Variants in KIF13A observed in about 807,000 individuals in gnomAD.
The protein encoded by KIF13A is kinesin-like protein KIF13A.
Under a neutral mutation model 212.2 loss-of-function variants are expected in KIF13A, and 79 were observed. The ratio of observed to expected loss-of-function variants is 0.37; its 90% CI spans 0.31 to 0.45. KIF13A has a LOEUF of 0.45. Among genes scored for constraint, KIF13A ranks in the 20% least tolerant of loss-of-function variants. KIF13A has a pLI of 1.00. For synonymous variants in KIF13A, 789 were observed against 808.6 expected (o/e 0.98, Z 0.41); for missense variants, 1,901 against 2,209.0 (o/e 0.86, Z 2.79).
chr6:17,945,088 C>A (rs907968670), intron 2 of KIF13A, among the ~76,000 whole-genome samples: 8 of 152,090 alleles, frequency 5.3e-5, no homozygotes, highest in African/African-American at 1.9e-4. Flanking sequence ...GTCTGGGCAA[C>A]ACGGCAAGAT....
Position 17,850,508 on chromosome 6 carries a change from G to A in KIF13A, c.583-51C>T, listed in dbSNP as rs764432064. 184 of 1,544,198 alleles carry A rather than the reference G, an allele frequency of 1.2e-4. No homozygotes were observed. The highest frequency in any genetic ancestry group is 1.6e-4 in the Non-Finnish European group (180 of 1,138,756). On this transcript the variant is annotated intron_variant, in intron 7 of 38. Coordinates refer to ENST00000259711, the MANE Select transcript of KIF13A (RefSeq NM_022113.6). The surrounding 1 kb of genome is among the most constrained non-coding windows in gnomAD (Gnocchi z 6.2). ...CCATAAGCAAAAACACAAGAATGTAGTCCTGCACACCAGGTATATGTATTA... is the reference window on the plus strand; with the variant it reads ...CCATAAGCAAAAACACAAGAATGTAATCCTGCACACCAGGTATATGTATTA...
rs1424057883 is a variant in KIF13A, at chr6:17,789,769, C to T, written c.3261+103G>A. The T allele has an allele frequency of 1.7e-5, 14 of 831,858 alleles. No homozygotes were observed. Among genetic ancestry groups the T allele is most frequent in the African/African-American group, 6.9e-5 (4 of 58,210 alleles). The allele number at this position is 831,858 out of a possible 1,614,324, so 51.5% of individuals were successfully genotyped here. ...AAGCAAGTGAAAAACTGCATATTCT[C>T]GCTCTAGGGCCCTCCTTCCTCCTCC... is the stretch of plus-strand genomic sequence containing the variant. On this transcript the variant is annotated intron_variant, in intron 26 of 38. Transcript: ENST00000259711. The surrounding 1 kb of genome is among the most constrained non-coding windows in gnomAD (Gnocchi z 4.8).
intron 2 of KIF13A, among the ~76,000 whole-genome samples, chr6:17,905,958 T>C (rs1003190978): frequency 5.9e-5 from 9 of 152,316 alleles, no homozygotes; most frequent in African/African-American, 1.9e-4. Context: ...CTATCAATAA[T>C]CTAACATTAC....
At position 17,867,999 on chromosome 6, in the gene KIF13A, T is replaced by C. The variant is rs147008599; in HGVS notation, c.220+5378A>G. Reference sequence around the variant, plus strand: ...GAGGTGCTCTTCTGTCCCCTCACAGTATAAAGCAATGCTAGCAGAATAAGA... The same window carrying C: ...GAGGTGCTCTTCTGTCCCCTCACAGCATAAAGCAATGCTAGCAGAATAAGA... On this transcript the variant is annotated intron_variant, in intron 4 of 38. Coordinates refer to ENST00000259711, the MANE Select transcript of KIF13A (RefSeq NM_022113.6). Among the ~76,000 whole-genome samples, 238 of 152,364 alleles carry C rather than the reference T, an allele frequency of 1.6e-3. 1 individual carries two copies. Among genetic ancestry groups the C allele is most frequent in the Admixed American group, 0.013 (206 of 15,308 alleles).
chr6:17,975,012 G>C (rs1780185436), intron 2 of KIF13A, among the ~76,000 whole-genome samples: 1 of 152,100 alleles, frequency 6.6e-6, no homozygotes, highest in Non-Finnish European at 1.5e-5. Context: ...TTGGTCCCAA[G>C]CTACCAGCAT....
chr6:17,825,723 G>C lies in KIF13A; in HGVS notation c.1786+45C>G, dbSNP rs1354008484. On this transcript the variant is annotated intron_variant, in intron 16 of 38. Transcript: ENST00000259711. The surrounding 1 kb of genome is among the most constrained non-coding windows in gnomAD (Gnocchi z 4.5). ...CTTATCCCTCACTGAATGGTGTGAG[G>C]TGAGGAAATGCCCAAGGCGCTGGAA... 1 of 1,567,296 alleles carries C rather than the reference G, an allele frequency of 6.4e-7. No individual in the cohort carries two copies. Among genetic ancestry groups the C allele is most frequent in the Non-Finnish European group, 8.7e-7 (1 of 1,148,426 alleles).
At chr6:17,845,507 A>G (rs138836067) in intron 9 of KIF13A, among the ~76,000 whole-genome samples, 72 of 152,346 alleles carry the variant, frequency 4.7e-4, no homozygotes, top group African/African-American at 1.6e-3. Context: ...TGAAATAGGA[A>G]TGAGACTGGG....
intron 38 of KIF13A, 80 bp from the exon 39 acceptor site, chr6:17,765,026 T>A (rs571866778): frequency 9.3e-7 from 1 of 1,080,604 alleles, no homozygotes; most frequent in East Asian, 2.6e-5. Context: ...TACTTGGCTG[T>A]TAAAGGCATT....
In KIF13A at chr6:17,772,293, T is replaced by C. The variant is rs114087172; in HGVS notation, c.4325-234A>G. ...GCATGGTGGTGTCTACTTGTTGTACTTGCTACTCAGGAGGCTGAGGCGAGA... is the reference window on the plus strand; with the variant it reads ...GCATGGTGGTGTCTACTTGTTGTACCTGCTACTCAGGAGGCTGAGGCGAGA... On this transcript the variant is annotated intron_variant, in intron 36 of 38. Coordinates refer to ENST00000259711, the MANE Select transcript of KIF13A (RefSeq NM_022113.6). The surrounding 1 kb of genome is among the most constrained non-coding windows in gnomAD (Gnocchi z 4.8). 0.016 allele frequency among the ~76,000 whole-genome samples: 2,480 copies of C among 152,074 alleles called. 31 individuals are homozygous for C. Among genetic ancestry groups the C allele is most frequent in the Middle Eastern group, 0.034 (10 of 294 alleles).
intron 3 of KIF13A, among the ~76,000 whole-genome samples, chr6:17,880,150 C>T (rs1387024035): frequency 3.3e-5 from 5 of 151,942 alleles, no homozygotes; most frequent in African/African-American, 7.3e-5. Flanking sequence ...GATGGGGGCT[C>T]GCTGTGTTGC....
chr6:17,800,210 G>T, intron 20 of KIF13A, 97 bp from the exon 21 acceptor site: 4 of 1,172,810 alleles, frequency 3.4e-6, no homozygotes, highest in Non-Finnish European at 4.7e-6. Flanking sequence ...CCTGGAGAGG[G>T]GCTCTGCAGC....
At chr6:17,865,278 C>T (rs1374008042) in intron 4 of KIF13A, among the ~76,000 whole-genome samples, 2 of 151,962 alleles carry the variant, frequency 1.3e-5, no homozygotes, top group African/African-American at 4.8e-5. Flanking sequence ...CCCAGTTTTC[C>T]TTCCTTTCCC....
At chr6:17,957,102 G>C (rs62398186) in intron 2 of KIF13A, among the ~76,000 whole-genome samples, 28,731 of 152,002 alleles carry the variant, frequency 0.19, 3,034 homozygotes, top group Admixed American at 0.25. Flanking sequence ...GGCTGGTCTC[G>C]AACTCCTGAC....
At chr6:17,916,803 T>A (rs1247478396) in intron 2 of KIF13A, among the ~76,000 whole-genome samples, 1 of 152,174 alleles carries the variant, frequency 6.6e-6, no homozygotes, top group Non-Finnish European at 1.5e-5. Flanking sequence ...TATGAACAAG[T>A]GGCATTAAAC....
chr6:17,964,995 T>A (rs1392684837), intron 2 of KIF13A, among the ~76,000 whole-genome samples: 3 of 152,032 alleles, frequency 2.0e-5, no homozygotes, highest in Non-Finnish European at 4.4e-5. Context: ...CTAATTTTTT[T>A]AAATAATATT....
At chr6:17,802,905 C>T (rs1050078759) in intron 20 of KIF13A, among the ~76,000 whole-genome samples, 8 of 147,198 alleles carry the variant, frequency 5.4e-5, no homozygotes, top group African/African-American at 2.0e-4. Flanking sequence ...CATCACCATG[C>T]CTGGTTAATT....
At chr6:17,807,066 A>T (rs186793020) in intron 18 of KIF13A, among the ~76,000 whole-genome samples, 1 of 152,210 alleles carries the variant, frequency 6.6e-6, no homozygotes, top group Non-Finnish European at 1.5e-5. Context: ...CTGAAGATGT[A>T]CGTCATCTCA....
At chr6:17,940,834 T>A (rs1776903787) in intron 2 of KIF13A, among the ~76,000 whole-genome samples, 4 of 151,360 alleles carry the variant, frequency 2.6e-5, no homozygotes, top group African/African-American at 7.3e-5. Context: ...TTTTTTTTTT[T>A]TTTTTTTTTG....
rs1772675097 is a variant in KIF13A, at chr6:17,897,511, C to T, written c.159+657G>A. The stretch of plus-strand genomic sequence containing the variant: ...TTACTTCTCATATTCCCCCACTTCC[C>T]TCCTCTAACTATTCTCTAACTTCTG... On this transcript the variant is annotated intron_variant, in intron 3 of 38. Transcript: ENST00000259711. This position sits in a 1 kb window ranked among gnomAD's most constrained non-coding sequence, Gnocchi z 4.8. 6.6e-6 allele frequency among the ~76,000 whole-genome samples: 1 copy of T among 152,184 alleles called. No individual in the cohort carries two copies. The highest frequency in any genetic ancestry group is 1.5e-5 in the Non-Finnish European group (1 of 68,040).
Sources: allele counts gnomAD v4.1 joint callset (sites outside exome capture counted in the v4.1 genomes callset), GRCh38; gene constraint gnomAD v4.1.1; non-coding constraint Gnocchi (gnomAD v3.1); transcripts MANE v1.5; gene names NCBI Gene and HGNC (gene_info 2026-07-23, HGNC 2026-07-21).